The following CEP63 variants were observed in gnomAD, a reference collection of about 807,000 sequenced individuals.
The protein encoded by CEP63 is centrosomal protein of 63 kDa.
A neutral mutation model predicts 89.1 loss-of-function variants in CEP63; 84 were observed. The observed-to-expected ratio is 0.94, with a 90% CI of 0.79 to 1.13. CEP63 has a LOEUF of 1.13. CEP63 is among the 50% of genes most tolerant of loss of function. CEP63 has a pLI of 0.00. For synonymous variants in CEP63, 267 were observed against 272.5 expected (o/e 0.98, Z 0.20); for missense variants, 838 against 813.3 (o/e 1.03, Z -0.37).
chr3:134,673,691 C>T, the CEP63 span, among the ~76,000 whole-genome samples: 1 of 152,274 alleles, frequency 6.6e-6, no homozygotes, highest in East Asian at 1.9e-4. Context: ...TCATCCCTTT[C>T]CTTCTGAGTC....
Position 134,549,192 on chromosome 3 carries a change from C to A in CEP63, c.1182+16C>A. Reference sequence around the variant, plus strand: ...GATTAAGAAGGTAAAAATCTGCATACCTAGGATTGCAAAATTGTATGTGTT... The same window carrying A: ...GATTAAGAAGGTAAAAATCTGCATAACTAGGATTGCAAAATTGTATGTGTT... On this transcript the variant is annotated intron_variant, in intron 10 of 14. Coordinates refer to ENST00000675561, the MANE Select transcript of CEP63 (RefSeq NM_001353108.3). 1.4e-6 allele frequency: 2 copies of A among 1,449,942 alleles called. No individual in the cohort carries two copies. Among genetic ancestry groups the A allele is most frequent in the Non-Finnish European group, 1.9e-6 (2 of 1,030,614 alleles). The allele number at this position is 1,449,942 out of a possible 1,614,324, so 89.8% of individuals were successfully genotyped here.
chr3:134,573,311 A>C (rs1356894628), intron 11 of CEP63, among the ~76,000 whole-genome samples: 1 of 152,194 alleles, frequency 6.6e-6, no homozygotes, highest in Non-Finnish European at 1.5e-5. Context: ...GGACTTAGTC[A>C]TAAATTTTTT....
At chr3:134,782,188 A>G in the CEP63 span, among the ~76,000 whole-genome samples, 6 of 152,228 alleles carry the variant, frequency 3.9e-5, no homozygotes, top group Non-Finnish European at 8.8e-5. Context: ...AGATTTCTCT[A>G]AAATTAGACA....
chr3:134,765,671 G>A, the CEP63 span, among the ~76,000 whole-genome samples: 1 of 152,238 alleles, frequency 6.6e-6, no homozygotes, highest in Non-Finnish European at 1.5e-5. Flanking sequence ...TCAGTACTTA[G>A]TGGGGAGAGA....
Position 134,532,958 on chromosome 3 carries a change from C to T in CEP63, c.441+58C>T, listed in dbSNP as rs1026100003. ...TTGTCAGCCTTCACGTAGGAAAATG[C>T]GGTTTCTAATGGCACTATTTTCTGG... On this transcript the variant is annotated intron_variant, in intron 5 of 14. Coordinates refer to ENST00000675561, the MANE Select transcript of CEP63 (RefSeq NM_001353108.3). 1.1e-4 allele frequency: 169 copies of T among 1,584,614 alleles called. 2 individuals carry two copies. The Admixed American group carries it at 2.3e-3, about 22-fold the overall frequency.
chr3:134,629,437 T>G, the CEP63 span: 1 of 564,058 alleles, frequency 1.8e-6, no homozygotes, highest in East Asian at 2.8e-5. Context: ...AAATCAGCGG[T>G]AGCTGGGTGT....
the CEP63 span, among the ~76,000 whole-genome samples, chr3:134,758,272 T>A: frequency 3.3e-5 from 5 of 152,330 alleles, no homozygotes; most frequent in Non-Finnish European, 7.3e-5. Flanking sequence ...TAAATATTCA[T>A]TGAATAAATG....
the CEP63 span, among the ~76,000 whole-genome samples, chr3:134,616,098 C>T: frequency 6.6e-6 from 1 of 152,212 alleles, no homozygotes; most frequent in Non-Finnish European, 1.5e-5. Flanking sequence ...AGCTTGGCTC[C>T]TGCGAGGAAA....
At chr3:134,772,945 G>T in the CEP63 span, among the ~76,000 whole-genome samples, 8 of 152,304 alleles carry the variant, frequency 5.3e-5, no homozygotes, top group South Asian at 1.7e-3. Context: ...ATTTGGGCTG[G>T]TGTTACCAAG....
chr3:134,548,094 G>T (rs1953944332), intron 9 of CEP63, among the ~76,000 whole-genome samples: 1 of 152,090 alleles, frequency 6.6e-6, no homozygotes, highest in African/African-American at 2.4e-5. Flanking sequence ...CTTTCTGTCT[G>T]CTGAATCTAT....
At chr3:134,587,116 C>T (rs950540718) in intron 10 of CEP63, among the ~76,000 whole-genome samples, 2 of 152,114 alleles carry the variant, frequency 1.3e-5, no homozygotes, top group African/African-American at 4.8e-5. Context: ...AGGTTTTTAG[C>T]TTCCTTGCGA....
At chr3:134,777,608 A>ATTTTTTTTT in the CEP63 span, among the ~76,000 whole-genome samples, 6 of 100,186 alleles carry the variant, frequency 6.0e-5, no homozygotes, top group African/African-American at 2.0e-4. Flanking sequence ...AAAGAATAGA[A>ATTTTTTTTT]TTTTTTTTTT....
At chr3:134,485,987 C>T (rs1453514313), upstream of CEP63, 1 of 849,540 alleles carries the variant, frequency 1.2e-6, no homozygotes, top group South Asian at 5.9e-5. Flanking sequence ...CTTGCTCCTG[C>T]CACGCCCCCC....
the CEP63 span, among the ~76,000 whole-genome samples, chr3:134,708,758 G>T: frequency 6.6e-6 from 1 of 152,174 alleles, no homozygotes; most frequent in Non-Finnish European, 1.5e-5. Context: ...GTTTAAGAGT[G>T]CTGGACCTTG....
the CEP63 span, among the ~76,000 whole-genome samples, chr3:134,732,492 G>A: frequency 6.6e-6 from 1 of 151,994 alleles, no homozygotes; most frequent in African/African-American, 2.4e-5. Context: ...GGAAGAAAAA[G>A]GCAATAGAAT....
At chr3:134,617,095 C>T in the CEP63 span, among the ~76,000 whole-genome samples, 7 of 152,236 alleles carry the variant, frequency 4.6e-5, no homozygotes, top group East Asian at 1.9e-4. Context: ...ATCAAGGAGG[C>T]GATACCACTC....
the CEP63 span, among the ~76,000 whole-genome samples, chr3:134,763,649 G>A: frequency 1.3e-5 from 2 of 152,174 alleles, no homozygotes; most frequent in African/African-American, 2.4e-5. Context: ...GTGTTTTGGA[G>A]GAATATTCCT....
At chr3:134,721,366 T>C in the CEP63 span, among the ~76,000 whole-genome samples, 1 of 152,232 alleles carries the variant, frequency 6.6e-6, no homozygotes, top group East Asian at 1.9e-4. Flanking sequence ...GTTCCAGTTG[T>C]GTTTTAGTAG....
chr3:134,629,923 A>G, the CEP63 span, among the ~76,000 whole-genome samples: 1 of 152,226 alleles, frequency 6.6e-6, no homozygotes, highest in African/African-American at 2.4e-5. Flanking sequence ...CTCCCACTGA[A>G]TGCAATTATA....
Sources: allele counts gnomAD v4.1 joint callset (sites outside exome capture counted in the v4.1 genomes callset), GRCh38; gene constraint gnomAD v4.1.1; transcripts MANE v1.5; gene names NCBI Gene and HGNC (gene_info 2026-07-23, HGNC 2026-07-21).